Variants in RHBDL3 observed in about 807,000 individuals in gnomAD.
RHBDL3 encodes the protein rhomboid-related protein 3.
In RHBDL3, 28 loss-of-function variants were observed where a neutral mutation model predicts 48.2. The observed-to-expected ratio is 0.58, with a 90% CI of 0.43 to 0.80. The LOEUF (loss-of-function observed/expected upper bound fraction) is 0.80. RHBDL3 is among the 30% of genes least tolerant of loss of function. The probability of loss-of-function intolerance (pLI) is 0.00; values close to 1 mark genes in which losing one functional copy is unlikely to be tolerated. For missense variants in RHBDL3, 464 were observed against 542.7 expected (o/e 0.85, Z 1.44); for synonymous variants, 208 against 232.3 (o/e 0.90, Z 0.95).
chr17:32,272,065 C>T (rs528954281), intron 2 of RHBDL3, among the ~76,000 whole-genome samples: 3 of 152,130 alleles, frequency 2.0e-5, no homozygotes, highest in Admixed American at 6.5e-5. Context: ...ACAATGGGGA[C>T]GTAATATTTA....
chr17:32,274,959 G>A (rs1461165795), intron 2 of RHBDL3, among the ~76,000 whole-genome samples: 1 of 152,142 alleles, frequency 6.6e-6, no homozygotes, highest in African/African-American at 2.4e-5. Context: ...AGATGCAGGA[G>A]CAGCTGAGCA....
At chr17:32,316,933 G>A (rs1158010318) in intron 8 of RHBDL3, among the ~76,000 whole-genome samples, 3 of 151,836 alleles carry the variant, frequency 2.0e-5, no homozygotes, top group Admixed American at 2.0e-4. Context: ...GTGCAGTGGT[G>A]TGATCTCGGC....
At chr17:32,283,484 C>T (rs944467269) in intron 2 of RHBDL3, among the ~76,000 whole-genome samples, 20 of 151,642 alleles carry the variant, frequency 1.3e-4, no homozygotes, top group East Asian at 3.9e-4. Context: ...CCACCACGCC[C>T]GGCTACTTTT....
chr17:32,321,283 C>T lies in RHBDL3; in HGVS notation c.*54C>T, dbSNP rs776911776. On this transcript the variant is annotated 3_prime_UTR_variant, in exon 9 of 9. Transcript: ENST00000269051. ...AGGGAAAAGCAGCACCCACAGGGAGCGCCTGCGAGGTTTCTTCTCATCACC... is the reference window on the plus strand; with the variant it reads ...AGGGAAAAGCAGCACCCACAGGGAGTGCCTGCGAGGTTTCTTCTCATCACC... The T allele has an allele frequency of 9.3e-6, 15 of 1,610,210 alleles. No individual in the cohort carries two copies. Among genetic ancestry groups the T allele is most frequent in the Middle Eastern group, 1.6e-4 (1 of 6,082 alleles).
At chr17:32,305,895 G>A (rs991898382) in intron 7 of RHBDL3, among the ~76,000 whole-genome samples, 18 of 148,514 alleles carry the variant, frequency 1.2e-4, no homozygotes, top group African/African-American at 4.5e-4. Context: ...TCCAGCCTGG[G>A]GGAGAGAGTG....
At chr17:32,291,003 GAAAAAA>G (rs35673676) in intron 4 of RHBDL3, among the ~76,000 whole-genome samples, 6 of 102,896 alleles carry the variant, frequency 5.8e-5, no homozygotes, top group South Asian at 3.0e-4. Context: ...CCTGTCTCAA[GAAAAAA>G]AAAAAAAAAA....
intron 3 of RHBDL3, among the ~76,000 whole-genome samples, chr17:32,285,517 G>T (rs533330041): frequency 3.8e-4 from 58 of 152,196 alleles, no homozygotes; most frequent in South Asian, 8.3e-4. Context: ...CCTGCCCAGC[G>T]GTCTGTTATC....
intron 2 of RHBDL3, among the ~76,000 whole-genome samples, chr17:32,275,110 G>A (rs562327822): frequency 1.3e-5 from 2 of 152,300 alleles, no homozygotes; most frequent in Admixed American, 1.3e-4. Flanking sequence ...AGAAGCAGCG[G>A]CGGCCAGCAG....
At chr17:32,319,585 C>T (rs144285548) in intron 8 of RHBDL3, among the ~76,000 whole-genome samples, 115 of 152,144 alleles carry the variant, frequency 7.6e-4, no homozygotes, top group Middle Eastern at 3.4e-3. Flanking sequence ...GTGCGGAGGG[C>T]GGAGGGTCAG....
chr17:32,304,990 G>A lies in RHBDL3; in HGVS notation c.782-351G>A, dbSNP rs536064058. Among the ~76,000 whole-genome samples the A allele has an allele frequency of 4.6e-5, 7 of 152,182 alleles. No homozygotes were observed. The East Asian group carries it at 9.7e-4, about 21-fold the overall frequency. On this transcript the variant is annotated intron_variant, in intron 6 of 8. Transcript: ENST00000269051. ...ACAAAAATTAGCTGGGCATTGTGGCGCACGACTGTAGTTCCAGCTACTTGG... is the reference window on the plus strand; with the variant it reads ...ACAAAAATTAGCTGGGCATTGTGGCACACGACTGTAGTTCCAGCTACTTGG...
intron 5 of RHBDL3, among the ~76,000 whole-genome samples, chr17:32,296,054 G>A (rs537250521): frequency 1.5e-3 from 227 of 151,832 alleles, no homozygotes; most frequent in African/African-American, 5.1e-3. Flanking sequence ...GTGAAACCCC[G>A]TCTCTACTGA....
chr17:32,284,434 C>A, intron 2 of RHBDL3: 1 of 497,702 alleles, frequency 2.0e-6, no homozygotes, highest in East Asian at 3.3e-5. Flanking sequence ...TTTCCTTATC[C>A]ACGTGAGATG....
At chr17:32,275,789 CA>C (rs1266394099) in intron 2 of RHBDL3, among the ~76,000 whole-genome samples, 3 of 152,202 alleles carry the variant, frequency 2.0e-5, no homozygotes, top group African/African-American at 4.8e-5. Flanking sequence ...CTGCCTCCCG[CA>C]CCCCTCTATG....
chr17:32,309,833 G>A (rs190173703), intron 7 of RHBDL3, among the ~76,000 whole-genome samples: 145,320 of 145,322 alleles, frequency 1, 72,659 homozygotes, highest in Middle Eastern at 1. Flanking sequence ...AGGCTGGAGT[G>A]CAATGGGGTG....
At chr17:32,269,581 G>A (rs1311309359) in intron 2 of RHBDL3, among the ~76,000 whole-genome samples, 1 of 152,188 alleles carries the variant, frequency 6.6e-6, no homozygotes, top group East Asian at 1.9e-4. Context: ...CTCCTGTCCT[G>A]ACGGGTAGAG....
At chr17:32,320,298 C>A (rs1169607399) in intron 8 of RHBDL3, among the ~76,000 whole-genome samples, 2 of 151,934 alleles carry the variant, frequency 1.3e-5, no homozygotes, top group Non-Finnish European at 2.9e-5. Context: ...GTTAAGGGGT[C>A]AATTCAGCAG....
chr17:32,320,060 C>T lies in RHBDL3; in HGVS notation c.944-898C>T, dbSNP rs568291477. Among the ~76,000 whole-genome samples, 12 of 152,004 alleles carry T rather than the reference C, an allele frequency of 7.9e-5. 1 individual carries two copies. In the South Asian group the frequency reaches 2.5e-3, roughly 32 times the overall value. Reference sequence around the variant, plus strand: ...GGCTGAGGCAGGAAACTCACTTGAGCCCAGGAGTTCAGGCCTGAGCAACAT... The same window carrying T: ...GGCTGAGGCAGGAAACTCACTTGAGTCCAGGAGTTCAGGCCTGAGCAACAT... On this transcript the variant is annotated intron_variant, in intron 8 of 8. Transcript: ENST00000269051.
chr17:32,307,245 T>C (rs1266186690), intron 7 of RHBDL3, among the ~76,000 whole-genome samples: 1 of 152,118 alleles, frequency 6.6e-6, no homozygotes, highest in African/African-American at 2.4e-5. Context: ...GCTGGGAGCA[T>C]GGTAGATGGT....
At position 32,315,056 on chromosome 17, in the gene RHBDL3, C is replaced by T. The variant is rs565792166; in HGVS notation, c.883-1176C>T. On this transcript the variant is annotated intron_variant, in intron 7 of 8. Transcript: ENST00000269051. ...CAAGAACTGAAGGCTGTGAGGATTTCCCCCTCTTTGGCATGTGCTCTGTGT... is the reference window on the plus strand; with the variant it reads ...CAAGAACTGAAGGCTGTGAGGATTTTCCCCTCTTTGGCATGTGCTCTGTGT... Among the ~76,000 whole-genome samples, 4 of 152,344 alleles carry T rather than the reference C, an allele frequency of 2.6e-5. No individual in the cohort carries two copies. The East Asian group carries it at 7.7e-4, about 29-fold the overall frequency.
Sources: gnomAD v4.1 joint callset for allele counts (sites outside exome capture counted in the v4.1 genomes callset) on GRCh38, gnomAD v4.1.1 for gene constraint, MANE v1.5 for transcripts, NCBI Gene and HGNC (gene_info 2026-07-23, HGNC 2026-07-21) for gene names.